The following HTR1F variants were observed in gnomAD, a reference collection of about 807,000 sequenced individuals.
The protein encoded by HTR1F is 5-hydroxytryptamine (serotonin) receptor 1F, G protein-coupled.
A neutral mutation model predicts 24.0 loss-of-function variants in HTR1F; 17 were observed. The ratio of observed to expected loss-of-function variants is 0.71; its 90% confidence interval spans 0.48 to 1.06. The LOEUF is 1.06. Among genes scored for constraint, HTR1F ranks in the 50% least tolerant of loss-of-function variants. HTR1F has a pLI of 0.00. For missense variants in HTR1F, 391 were observed against 427.8 expected (o/e 0.91, Z 0.76); for synonymous variants, 186 against 156.8 (o/e 1.19, Z -1.39).
intron 2 of HTR1F, among the ~76,000 whole-genome samples, chr3:87,988,220 A>C (rs1405686243): frequency 6.6e-6 from 1 of 151,984 alleles, no homozygotes; most frequent in Non-Finnish European, 1.5e-5. Context: ...CAAATTCAAG[A>C]ACCACTTTTT....
At chr3:87,893,977 T>C (rs548282989) in intron 2 of HTR1F, among the ~76,000 whole-genome samples, 12 of 152,266 alleles carry the variant, frequency 7.9e-5, no homozygotes, top group Admixed American at 3.9e-4. Context: ...ACTCATTTTT[T>C]TTCCTTTCTG....
At chr3:87,847,170 C>A (rs1401836819) in intron 2 of HTR1F, among the ~76,000 whole-genome samples, 1 of 151,684 alleles carries the variant, frequency 6.6e-6, no homozygotes, top group African/African-American at 2.4e-5. Context: ...GATTGATGAA[C>A]TATTTTTTAA....
chr3:87,898,631 C>T (rs1284355058), intron 2 of HTR1F, among the ~76,000 whole-genome samples: 12 of 151,946 alleles, frequency 7.9e-5, no homozygotes, highest in Non-Finnish European at 1.5e-4. Flanking sequence ...AATATAAATT[C>T]AGTAACTACC....
chr3:87,976,924 A>C (rs1705407450), intron 2 of HTR1F, among the ~76,000 whole-genome samples: 2 of 152,184 alleles, frequency 1.3e-5, no homozygotes, highest in South Asian at 2.1e-4. Context: ...CTTATTACTC[A>C]AGGAGAGGGA....
chr3:87,874,426 TTAAC>T (rs1705625176), intron 2 of HTR1F, among the ~76,000 whole-genome samples: 2 of 151,952 alleles, frequency 1.3e-5, no homozygotes, highest in South Asian at 4.1e-4. Flanking sequence ...TGGGAATAAC[TTAAC>T]TAAGAAGGGA....
At position 87,991,402 on chromosome 3, in the gene HTR1F, G is replaced by A; in HGVS notation, c.653G>A (p.Ser218Asn). 6.2e-7 allele frequency: 1 copy of A among 1,614,024 alleles called. No individual in the cohort carries two copies. Among genetic ancestry groups the A allele is most frequent in the Non-Finnish European group, 8.5e-7 (1 of 1,179,996 alleles). The change falls in exon 3 of 3, where the codon AGT becomes AAT. Residue 218 changes from serine to asparagine, a missense_variant. Physicochemically the swap from Ser to Asn is conservative, Grantham distance 46. Coordinates refer to ENST00000319595, the MANE Select transcript of HTR1F (RefSeq NM_001322209.2). Reference protein sequence around the residue: ...AKTLYHKRQASRIAKEEVNGQ... With the variant: ...AKTLYHKRQANRIAKEEVNGQ... ...ACATTATACCACAAGAGACAAGCAA[G>A]TAGGATTGCAAAGGAGGAGGTGAAT...
intron 2 of HTR1F, among the ~76,000 whole-genome samples, chr3:87,902,570 C>CT (rs972697075): frequency 1.5e-4 from 22 of 151,652 alleles, no homozygotes; most frequent in African/African-American, 3.9e-4. Flanking sequence ...CTAAGAATTT[C>CT]TTTTTTTTGT....
chr3:87,838,596 C>T (rs934574347), intron 2 of HTR1F, among the ~76,000 whole-genome samples: 5 of 151,962 alleles, frequency 3.3e-5, no homozygotes, highest in Non-Finnish European at 5.9e-5. Context: ...GCTGTGATTA[C>T]CTTTTGTTGC....
At chr3:87,836,919 A>C (rs1704694901) in intron 2 of HTR1F, among the ~76,000 whole-genome samples, 1 of 152,072 alleles carries the variant, frequency 6.6e-6, no homozygotes, top group African/African-American at 2.4e-5. Context: ...TTAAGTTATT[A>C]ATATAGTATC....
chr3:87,945,709 T>C (rs1704682010), intron 2 of HTR1F, among the ~76,000 whole-genome samples: 1 of 152,146 alleles, frequency 6.6e-6, no homozygotes, highest in African/African-American at 2.4e-5. Context: ...GAGTCTTAAG[T>C]CCAGCAGCCA....
chr3:87,955,392 T>G (rs1704921958), intron 2 of HTR1F, among the ~76,000 whole-genome samples: 1 of 151,754 alleles, frequency 6.6e-6, no homozygotes, highest in African/African-American at 2.4e-5. Context: ...TGCTTTGTAC[T>G]AACTGATAAG....
intron 1 of HTR1F, among the ~76,000 whole-genome samples, chr3:87,793,980 AAAAG>A (rs1703860542): frequency 7.9e-6 from 1 of 126,002 alleles, no homozygotes; most frequent in Admixed American, 9.1e-5. Flanking sequence ...AAAAAAAAAA[AAAAG>A]AGAGAGAGAA....
chr3:87,878,375 T>C (rs1461636961), intron 2 of HTR1F, among the ~76,000 whole-genome samples: 1 of 152,154 alleles, frequency 6.6e-6, no homozygotes, highest in African/African-American at 2.4e-5. Flanking sequence ...TGCTAAATCA[T>C]TTTATGTATG....
chr3:87,992,547 T>C lies in HTR1F; in HGVS notation c.*697T>C, dbSNP rs1255013604. 1.2e-5 allele frequency: 2 copies of C among 167,068 alleles called. No homozygotes were observed. The highest frequency in any genetic ancestry group is 2.1e-4 in the South Asian group (1 of 4,830). 10.3% of individuals were successfully genotyped at this position (167,068 alleles called of 1,614,324 possible). ...CTAGAATAATATTATCTTATCCTTA[T>C]ATTATCAGCATTTGAAATCAAAGCC... On this transcript the variant is annotated 3_prime_UTR_variant, in exon 3 of 3. Coordinates refer to ENST00000319595, the MANE Select transcript of HTR1F (RefSeq NM_001322209.2).
intron 2 of HTR1F, among the ~76,000 whole-genome samples, chr3:87,928,744 C>T (rs962371431): frequency 1.3e-5 from 2 of 152,108 alleles, no homozygotes; most frequent in Non-Finnish European, 2.9e-5. Context: ...TTTATTTCTA[C>T]AAGATAACAC....
At chr3:87,832,431 A>T (rs1383474205) in intron 2 of HTR1F, among the ~76,000 whole-genome samples, 1 of 150,392 alleles carries the variant, frequency 6.6e-6, no homozygotes, top group African/African-American at 2.5e-5. Flanking sequence ...GGGTTGAAGC[A>T]ATTCTCTTGC....
chr3:87,822,258 G>GA (rs1249996828), intron 2 of HTR1F, among the ~76,000 whole-genome samples, 134 bp downstream of exon 2: 2 of 152,148 alleles, frequency 1.3e-5, no homozygotes, highest in African/African-American at 4.8e-5. Flanking sequence ...CTGCTTCCAG[G>GA]AAAGGCCAGA....
intron 2 of HTR1F, among the ~76,000 whole-genome samples, chr3:87,897,123 C>T (rs925928852): frequency 2.0e-5 from 3 of 151,768 alleles, no homozygotes; most frequent in Non-Finnish European, 4.4e-5. Flanking sequence ...TTCATTGCAA[C>T]ATTATTCACA....
intron 2 of HTR1F, among the ~76,000 whole-genome samples, chr3:87,861,662 T>A (rs1468728558): frequency 2.0e-5 from 3 of 152,162 alleles, no homozygotes. Flanking sequence ...TTGGAGCTCA[T>A]AAATATTTTA....
Sources: gnomAD v4.1 joint callset for allele counts (sites outside exome capture counted in the v4.1 genomes callset) on GRCh38, gnomAD v4.1.1 for gene constraint, MANE v1.5 for transcripts, NCBI Gene and HGNC (gene_info 2026-07-23, HGNC 2026-07-21) for gene names.